ABTB2: variants seen among roughly 807,000 people sequenced by gnomAD.
ABTB2 encodes ankyrin repeat and BTB domain containing 2.
A neutral mutation model predicts 104.1 loss-of-function variants in ABTB2; 56 were observed. The ratio of observed to expected loss-of-function variants is 0.54; its 90% CI spans 0.43 to 0.67. The LOEUF is 0.67. Ranked by LOEUF, ABTB2 falls within the 30% of genes least tolerant of loss-of-function variation. The pLI is 0.00. For missense variants in ABTB2, 1,279 were observed against 1,407.7 expected (o/e 0.91, Z 1.46); for synonymous variants, 606 against 608.2 (o/e 1.00, Z 0.05).
intron 5 of ABTB2, among the ~76,000 whole-genome samples, chr11:34,170,191 C>T (rs1482736995): frequency 1.3e-5 from 2 of 152,346 alleles, no homozygotes; most frequent in African/African-American, 4.8e-5. Flanking sequence ...GGTAAAGCAA[C>T]CTCTCTGTCC....
chr11:34,179,738 C>A (rs910257), intron 3 of ABTB2, among the ~76,000 whole-genome samples: 62,407 of 152,042 alleles, frequency 0.41, 13,920 homozygotes, highest in East Asian at 0.88. Context: ...AGCCCTTTTG[C>A]TTTTATTTCA....
rs573597426 is a variant in ABTB2, at chr11:34,244,206, TA to T, written c.884-39517del. On this transcript the variant is annotated intron_variant, in intron 1 of 16. Coordinates refer to ENST00000435224, the MANE Select transcript of ABTB2 (RefSeq NM_145804.3). ...TGACCAAGGGAGGTAATTGTTTCTT[TA>T]AAAAAAAAAAAATCACTTTCAGTTG... Among the ~76,000 whole-genome samples the T allele has an allele frequency of 8.6e-3, 1,246 of 144,792 alleles. 16 individuals carry two copies. Among genetic ancestry groups the T allele is most frequent in the African/African-American group, 0.025 (1,003 of 39,848 alleles). The allele number at this position is 144,792 out of a possible 152,430, so 95.0% of individuals were successfully genotyped here. A position where few individuals can be genotyped will look rare whatever the true frequency, so the allele number is the denominator to read the frequency against.
At chr11:34,195,075 C>CGGGGGT (rs1554982293) in intron 3 of ABTB2, among the ~76,000 whole-genome samples, 1 of 18,066 alleles carries the variant, frequency 5.5e-5, no homozygotes, top group Non-Finnish European at 2.0e-4. Context: ...AGATGCCCGG[C>CGGGGGT]GGGGGGGGGG....
At chr11:34,174,471 C>T (rs1852935838) in intron 3 of ABTB2, among the ~76,000 whole-genome samples, 1 of 152,244 alleles carries the variant, frequency 6.6e-6, no homozygotes, top group African/African-American at 2.4e-5. Context: ...TGCAAACTCC[C>T]GGGGCGCCGC....
intron 5 of ABTB2, among the ~76,000 whole-genome samples, chr11:34,168,543 A>G (rs768132749): frequency 3.3e-5 from 5 of 152,200 alleles, no homozygotes; most frequent in Non-Finnish European, 7.3e-5. Flanking sequence ...AGCATGCAGC[A>G]TCTCCCTCCA....
At chr11:34,198,463 AC>A (rs1853294354) in intron 2 of ABTB2, among the ~76,000 whole-genome samples, 1 of 147,646 alleles carries the variant, frequency 6.8e-6, no homozygotes, top group East Asian at 1.9e-4. Context: ...ACAAAAAAAA[AC>A]AAAAACTTGA....
At chr11:34,295,298 C>CAACTT (rs1854609028) in intron 1 of ABTB2, among the ~76,000 whole-genome samples, 1 of 152,106 alleles carries the variant, frequency 6.6e-6, no homozygotes, top group African/African-American at 2.4e-5. Context: ...GGCTAGAGGT[C>CAACTT]GTGGGACCCT....
At chr11:34,160,589 A>G (rs1565127575) in intron 11 of ABTB2, among the ~76,000 whole-genome samples, 1 of 143,852 alleles carries the variant, frequency 7.0e-6, no homozygotes, top group South Asian at 2.4e-4. Flanking sequence ...AGGCAGCGCA[A>G]GTCTAAGTCT....
At chr11:34,299,401 A>G (rs1258319957) in intron 1 of ABTB2, among the ~76,000 whole-genome samples, 1 of 152,210 alleles carries the variant, frequency 6.6e-6, no homozygotes, top group African/African-American at 2.4e-5. Flanking sequence ...CTGATGTTTA[A>G]GCCAAGATCT....
intron 1 of ABTB2, among the ~76,000 whole-genome samples, chr11:34,324,875 G>A (rs1365228630): frequency 1.3e-5 from 2 of 152,222 alleles, no homozygotes; most frequent in African/African-American, 4.8e-5. Context: ...AGCCTCTACT[G>A]GAGTGCCCGT....
intron 1 of ABTB2, among the ~76,000 whole-genome samples, chr11:34,319,319 C>T (rs1324051989): frequency 6.6e-6 from 1 of 152,208 alleles, no homozygotes; most frequent in African/African-American, 2.4e-5. Flanking sequence ...TCAGAAGAGA[C>T]CCCAAAGCTT....
chr11:34,235,682 CT>C (rs1401700662), intron 1 of ABTB2, among the ~76,000 whole-genome samples: 1 of 152,114 alleles, frequency 6.6e-6, no homozygotes, highest in Non-Finnish European at 1.5e-5. Context: ...CTCCTTCTGG[CT>C]TTTAAGCCAC....
chr11:34,323,347 CTATGTGATGGA>C (rs1386372993), intron 1 of ABTB2, among the ~76,000 whole-genome samples: 1 of 152,194 alleles, frequency 6.6e-6, no homozygotes, highest in East Asian at 1.9e-4. Context: ...ACAGTTCAAT[CTATGTGATGGA>C]TATACAGAGG....
Position 34,152,466 on chromosome 11 carries a change from T to G in ABTB2, c.2999A>C (p.Gln1000Pro). The G allele has an allele frequency of 6.2e-7, 1 of 1,603,452 alleles. No individual in the cohort carries two copies. Among genetic ancestry groups the G allele is most frequent in the Non-Finnish European group, 8.5e-7 (1 of 1,176,278 alleles). Residue 1000 changes from glutamine to proline, a missense_variant, in exon 17 of 17, where the codon CAG becomes CCG. Gln to Pro is a moderately conservative substitution (Grantham distance 76, BLOSUM62 -1). Transcript: ENST00000435224. ...QLIYGRSSKV[Q>P]GLDPLQDLQN... ...CAGGTCCTGCAGTGGATCCAGGCCCTGCACTTTGCTGCTGCGGCCGTAGAT... is the reference window on the plus strand; with the variant it reads ...CAGGTCCTGCAGTGGATCCAGGCCCGGCACTTTGCTGCTGCGGCCGTAGAT...
chr11:34,269,485 A>G (rs1854288390), intron 1 of ABTB2, among the ~76,000 whole-genome samples: 1 of 152,212 alleles, frequency 6.6e-6, no homozygotes, highest in African/African-American at 2.4e-5. Context: ...CAGCTTGGTA[A>G]GCTTTCTCTA....
At chr11:34,199,552 T>C (rs913077292) in intron 2 of ABTB2, among the ~76,000 whole-genome samples, 1 of 152,182 alleles carries the variant, frequency 6.6e-6, no homozygotes, top group Non-Finnish European at 1.5e-5. Context: ...GGTGAACTGA[T>C]AGATTGATTC....
chr11:34,286,158 T>C (rs1224860602), intron 1 of ABTB2, among the ~76,000 whole-genome samples: 3 of 150,984 alleles, frequency 2.0e-5, no homozygotes, highest in Admixed American at 2.0e-4. Flanking sequence ...AAAAAAAAAT[T>C]AGTAAAGAAA....
At chr11:34,268,991 A>C (rs1854281763) in intron 1 of ABTB2, among the ~76,000 whole-genome samples, 1 of 152,186 alleles carries the variant, frequency 6.6e-6, no homozygotes, top group South Asian at 2.1e-4. Context: ...TAAGACTTCA[A>C]CATATCTTCT....
intron 1 of ABTB2, among the ~76,000 whole-genome samples, chr11:34,353,881 T>G (rs1855429927): frequency 6.6e-6 from 1 of 152,242 alleles, no homozygotes; most frequent in African/African-American, 2.4e-5. Flanking sequence ...CATTCCCCAG[T>G]TGGTCTTCAG....
Sources: gnomAD v4.1 joint callset for allele counts (sites outside exome capture counted in the v4.1 genomes callset) on GRCh38, gnomAD v4.1.1 for gene constraint, MANE v1.5 for transcripts, NCBI Gene and HGNC (gene_info 2026-07-23, HGNC 2026-07-21) for gene names.